The following MACROD2 variants were observed in gnomAD, a reference collection of about 807,000 sequenced individuals.
MACROD2 encodes mono-ADP ribosylhydrolase 2, also known as ADP-ribose glycohydrolase MACROD2.
In MACROD2, 36 loss-of-function variants were observed where a neutral mutation model predicts 70.4. The observed-to-expected ratio is 0.51, with a 90% CI of 0.39 to 0.68. The LOEUF is 0.68. Ranked by LOEUF, MACROD2 falls within the 30% of genes least tolerant of loss-of-function variation. The pLI is 0.00. For missense variants in MACROD2, 496 were observed against 538.4 expected, an observed-to-expected ratio of 0.92 and a Z score of 0.78; for synonymous variants, 172 against 178.8, an observed-to-expected ratio of 0.96 and a Z score of 0.30.
In MACROD2 at chr20:14,896,649, T is replaced by TAA. The variant is rs111803473; in HGVS notation, c.418+211702_418+211703dup. ...ATGGATTCAGGTAGATGAGTTTCCA[T>TAA]AAAAAAAAAAAAATGACATCAAGCA... On this transcript the variant is annotated intron_variant, in intron 5 of 17. Coordinates refer to ENST00000684519, the MANE Select transcript of MACROD2 (RefSeq NM_001351661.2). Among the ~76,000 whole-genome samples the TAA allele has an allele frequency of 1.3e-4, 18 of 142,796 alleles. 1 individual carries two copies. Among genetic ancestry groups the TAA allele is most frequent in the South Asian group, 4.4e-4 (2 of 4,500 alleles). 93.7% of individuals were successfully genotyped at this position (142,796 alleles called of 152,430 possible).
intron 5 of MACROD2, among the ~76,000 whole-genome samples, chr20:14,701,335 C>A (rs1371690085): frequency 6.6e-6 from 1 of 152,122 alleles, no homozygotes; most frequent in Non-Finnish European, 1.5e-5. Context: ...CCTGAGTAGT[C>A]TAAACTGAAA....
chr20:15,803,604 T>C (rs2063744782), intron 8 of MACROD2, among the ~76,000 whole-genome samples: 1 of 152,132 alleles, frequency 6.6e-6, no homozygotes, highest in Admixed American at 6.5e-5. Flanking sequence ...TTTAATAATT[T>C]AGTGATTTCC....
chr20:15,691,205 C>T (rs1458120082), intron 8 of MACROD2, among the ~76,000 whole-genome samples: 1 of 152,164 alleles, frequency 6.6e-6, no homozygotes, highest in Non-Finnish European at 1.5e-5. Context: ...AGTCATTTCC[C>T]TGCTCTTCAT....
intron 6 of MACROD2, 70 bp downstream of exon 6, chr20:15,230,131 A>G (rs1268212857): frequency 4.1e-6 from 6 of 1,448,340 alleles, no homozygotes; most frequent in Non-Finnish European, 5.6e-6. Flanking sequence ...TGTCTTGTCT[A>G]AAGAGAGGTA....
intron 3 of MACROD2, among the ~76,000 whole-genome samples, chr20:14,489,925 A>G (rs569879183): frequency 2.0e-4 from 30 of 151,710 alleles, no homozygotes; most frequent in Non-Finnish European, 3.1e-4. Context: ...CAGTGGCACA[A>G]TCTCGGCTCA....
intron 9 of MACROD2, among the ~76,000 whole-genome samples, chr20:15,878,921 C>T (rs1031080816): frequency 5.3e-5 from 8 of 152,048 alleles, no homozygotes; most frequent in Non-Finnish European, 1.0e-4. Flanking sequence ...ATAAGAACTT[C>T]GGTCATATTC....
intron 5 of MACROD2, among the ~76,000 whole-genome samples, chr20:14,987,711 T>G (rs1461500470): frequency 6.6e-6 from 1 of 152,204 alleles, no homozygotes; most frequent in African/African-American, 2.4e-5. Flanking sequence ...TGTGCAATTT[T>G]CTAGTTTCAA....
intron 8 of MACROD2, among the ~76,000 whole-genome samples, chr20:15,628,743 G>C (rs376637993): frequency 1.5e-3 from 232 of 152,310 alleles, no homozygotes; most frequent in African/African-American, 5.3e-3. Context: ...ACCTTGGTGG[G>C]GATGACTGAA....
chr20:14,741,056 C>T (rs1164199933), intron 5 of MACROD2, among the ~76,000 whole-genome samples: 3 of 152,128 alleles, frequency 2.0e-5, no homozygotes, highest in Non-Finnish European at 4.4e-5. Flanking sequence ...CTGACTTATT[C>T]ATTTAAAAGC....
chr20:15,108,547 A>G (rs914716273), intron 5 of MACROD2, among the ~76,000 whole-genome samples: 1 of 152,286 alleles, frequency 6.6e-6, no homozygotes, highest in Middle Eastern at 3.4e-3. Context: ...ATTTCCTTCT[A>G]GATACTCCTA....
intron 3 of MACROD2, among the ~76,000 whole-genome samples, chr20:14,271,148 C>G (rs1432557373): frequency 1.3e-5 from 2 of 152,192 alleles, no homozygotes; most frequent in Non-Finnish European, 2.9e-5. Context: ...AGTGATTCTC[C>G]CAGCACACAG....
chr20:14,045,056 C>T (rs1440943964), intron 2 of MACROD2, among the ~76,000 whole-genome samples: 2 of 152,218 alleles, frequency 1.3e-5, no homozygotes, highest in African/African-American at 4.8e-5. Context: ...CTGGGGCTTG[C>T]GGGCCGGCTT....
chr20:14,028,685 G>A (rs1055644651), intron 2 of MACROD2, among the ~76,000 whole-genome samples: 1 of 152,096 alleles, frequency 6.6e-6, no homozygotes, highest in Non-Finnish European at 1.5e-5. Context: ...GGAGTTCTCC[G>A]ACCCCTTGTG....
chr20:14,478,961 A>G (rs1472717304), intron 3 of MACROD2, among the ~76,000 whole-genome samples: 1 of 152,008 alleles, frequency 6.6e-6, no homozygotes, highest in Non-Finnish European at 1.5e-5. Flanking sequence ...TAGGTGGGGA[A>G]AAGAAAGTCT....
intron 5 of MACROD2, among the ~76,000 whole-genome samples, chr20:14,779,304 G>T (rs1169974652): frequency 6.6e-6 from 1 of 152,110 alleles, no homozygotes; most frequent in Admixed American, 6.5e-5. Context: ...TAAAAATTCA[G>T]ATTTTCTTCT....
chr20:14,054,022 G>A (rs1465365930), intron 2 of MACROD2, among the ~76,000 whole-genome samples: 1 of 151,942 alleles, frequency 6.6e-6, no homozygotes, highest in South Asian at 2.1e-4. Flanking sequence ...ACCATCTTGC[G>A]AATTGGTTTG....
chr20:15,897,108 T>C (rs544094534), intron 10 of MACROD2, among the ~76,000 whole-genome samples: 1 of 152,334 alleles, frequency 6.6e-6, no homozygotes, highest in Non-Finnish European at 1.5e-5. Context: ...AAGTAAATTA[T>C]CTACAGGTTC....
chr20:16,003,079 CA>C (rs1372812876), intron 15 of MACROD2, among the ~76,000 whole-genome samples: 17 of 11,196 alleles, frequency 1.5e-3, no homozygotes, highest in Non-Finnish European at 3.9e-3. Context: ...CCCACCCACC[CA>C]CCCACACACA....
At chr20:14,337,649 C>A (rs1440228172) in intron 3 of MACROD2, 7 of 398,168 alleles carry the variant, frequency 1.8e-5, no homozygotes, top group Non-Finnish European at 3.1e-5. Context: ...AAAGCTTCAC[C>A]TCGCAGTGGC....
Sources: allele counts gnomAD v4.1 joint callset (sites outside exome capture counted in the v4.1 genomes callset), GRCh38; gene constraint gnomAD v4.1.1; transcripts MANE v1.5; gene names NCBI Gene and HGNC (gene_info 2026-07-23, HGNC 2026-07-21).